Variants in CNTN5 observed in about 807,000 individuals in gnomAD.
CNTN5 encodes contactin 5.
Under a neutral mutation model 129.1 loss-of-function variants are expected in CNTN5, and 77 were observed. That is an observed-to-expected ratio of 0.60 (90% CI 0.50 to 0.72). The LOEUF (loss-of-function observed/expected upper bound fraction) is 0.72. CNTN5 is among the 30% of genes least tolerant of loss of function. CNTN5 has a pLI of 0.00. For synonymous variants in CNTN5, 509 were observed against 465.6 expected (o/e 1.09, Z -1.20); for missense variants, 1,478 against 1,328.8 (o/e 1.11, Z -1.75).
chr11:100,159,306 A>C (rs1032997418), intron 13 of CNTN5, among the ~76,000 whole-genome samples: 37 of 151,862 alleles, frequency 2.4e-4, no homozygotes, highest in African/African-American at 8.2e-4. Flanking sequence ...TCACCTTCAT[A>C]ATGATTACAT....
chr11:99,477,396 G>A (rs989976604), intron 2 of CNTN5, among the ~76,000 whole-genome samples: 6 of 151,716 alleles, frequency 4.0e-5, no homozygotes, highest in Non-Finnish European at 8.8e-5. Context: ...ACTAAACTCT[G>A]AGTCTCTTTC....
Position 100,252,429 on chromosome 11 carries a change from T to C in CNTN5, c.2006-3331T>C, listed in dbSNP as rs141667861. Among the ~76,000 whole-genome samples the C allele has an allele frequency of 1.2e-3, 185 of 152,290 alleles. 1 individual carries two copies. Among genetic ancestry groups the C allele is most frequent in the African/African-American group, 4.3e-3 (180 of 41,568 alleles). On this transcript the variant is annotated intron_variant, in intron 16 of 24. Coordinates refer to ENST00000524871, the MANE Select transcript of CNTN5 (RefSeq NM_014361.4). ...GCTTTTTAGTTTGGTATAATCCTAT[T>C]TGTTTATTTTTGCTTTTGTTGCCTG...
At chr11:100,252,697 T>C (rs1276746390) in intron 16 of CNTN5, among the ~76,000 whole-genome samples, 2 of 152,294 alleles carry the variant, frequency 1.3e-5, no homozygotes, top group East Asian at 1.9e-4. Context: ...AGGTCTGATC[T>C]GAAGGCCTCT....
intron 3 of CNTN5, among the ~76,000 whole-genome samples, chr11:99,735,717 G>A (rs1041413628): frequency 6.6e-6 from 1 of 152,148 alleles, no homozygotes; most frequent in African/African-American, 2.4e-5. Flanking sequence ...ACAACTTGAT[G>A]TATTGATATA....
chr11:99,579,882 T>G (rs892896244), intron 3 of CNTN5, among the ~76,000 whole-genome samples: 1 of 150,478 alleles, frequency 6.6e-6, no homozygotes, highest in Non-Finnish European at 1.5e-5. Flanking sequence ...ATAGGAGTGG[T>G]GAGAGAGGGC....
chr11:100,299,142 A>G lies in CNTN5; in HGVS notation c.2386-20A>G, dbSNP rs1172863300. 2 of 1,445,100 alleles carry G rather than the reference A, an allele frequency of 1.4e-6. No homozygotes were observed. The highest frequency in any genetic ancestry group is 1.9e-6 in the Non-Finnish European group (2 of 1,059,246). The allele number at this position is 1,445,100 out of a possible 1,614,324, so 89.5% of individuals were successfully genotyped here. ...TAATCAATCATTTTGCTGATAATTAATTATATTTTTCTTCTTTAGCCAGTA... is the reference window on the plus strand; with the variant it reads ...TAATCAATCATTTTGCTGATAATTAGTTATATTTTTCTTCTTTAGCCAGTA... On this transcript the variant is annotated intron_variant, in intron 19 of 24. Transcript: ENST00000524871.
At chr11:99,998,791 C>G (rs1939638433) in intron 8 of CNTN5, among the ~76,000 whole-genome samples, 1 of 150,884 alleles carries the variant, frequency 6.6e-6, no homozygotes, top group Admixed American at 6.7e-5. Flanking sequence ...TAGCCTGGTA[C>G]TGGTACCAAA....
intron 3 of CNTN5, among the ~76,000 whole-genome samples, chr11:99,815,401 AG>A (rs1395405365): frequency 6.6e-6 from 1 of 152,046 alleles, no homozygotes; most frequent in African/African-American, 2.4e-5. Flanking sequence ...GTCATAGAAA[AG>A]GGCTGGGCAG....
chr11:99,929,849 G>A (rs927418237), intron 7 of CNTN5, among the ~76,000 whole-genome samples: 2 of 152,112 alleles, frequency 1.3e-5, no homozygotes, highest in African/African-American at 2.4e-5. Flanking sequence ...CTTGGTCCTC[G>A]ATTCTTGTCC....
intron 8 of CNTN5, among the ~76,000 whole-genome samples, chr11:99,988,349 C>T (rs1423774030): frequency 6.6e-6 from 1 of 152,178 alleles, no homozygotes; most frequent in African/African-American, 2.4e-5. Flanking sequence ...AGCTGATCAA[C>T]TGTGCTGGCA....
At chr11:99,756,341 A>G (rs80237572) in intron 3 of CNTN5, among the ~76,000 whole-genome samples, 196 of 152,192 alleles carry the variant, frequency 1.3e-3, no homozygotes, top group African/African-American at 4.6e-3. Flanking sequence ...TAAGTATATG[A>G]TTGCAGTCCA....
intron 2 of CNTN5, among the ~76,000 whole-genome samples, chr11:99,372,180 G>A (rs1273684492): frequency 6.6e-6 from 1 of 152,180 alleles, no homozygotes; most frequent in Non-Finnish European, 1.5e-5. Context: ...TCCTATTGGA[G>A]AACATTTAAT....
rs73541874 is a variant in CNTN5 at position 99,162,653 on chromosome 11, A to G, written c.-210+141383A>G. ...ACTATTTTACATACAAAGAAAGAGA[A>G]GCTAAGAACATCAAAGTAGCTTGTC... On this transcript the variant is annotated intron_variant, in intron 1 of 24. Coordinates refer to ENST00000524871, the MANE Select transcript of CNTN5 (RefSeq NM_014361.4). Among the ~76,000 whole-genome samples, 691 of 152,352 alleles carry G rather than the reference A, an allele frequency of 4.5e-3. 7 individuals are homozygous for G. Among genetic ancestry groups the G allele is most frequent in the African/African-American group, 0.016 (667 of 41,580 alleles).
chr11:99,423,112 T>C (rs1428009084), intron 2 of CNTN5, among the ~76,000 whole-genome samples: 1 of 152,150 alleles, frequency 6.6e-6, no homozygotes, highest in East Asian at 1.9e-4. Flanking sequence ...CAGATACATA[T>C]CATTACATAT....
chr11:99,902,242 GTT>G (rs35494270), intron 6 of CNTN5, among the ~76,000 whole-genome samples: 2,731 of 143,722 alleles, frequency 0.019, 75 homozygotes, highest in African/African-American at 0.06. Context: ...AAGCTAAGGA[GTT>G]TTTTTTTTTT....
At chr11:99,739,977 G>C (rs966312904) in intron 3 of CNTN5, among the ~76,000 whole-genome samples, 3 of 152,018 alleles carry the variant, frequency 2.0e-5, no homozygotes, top group Non-Finnish European at 4.4e-5. Flanking sequence ...TTTGGCAAGT[G>C]CTATTTCCCC....
chr11:100,079,602 T>C (rs919146441), intron 13 of CNTN5, among the ~76,000 whole-genome samples: 1 of 152,126 alleles, frequency 6.6e-6, no homozygotes, highest in Non-Finnish European at 1.5e-5. Flanking sequence ...CAAATAGACA[T>C]GGGGAGTTAA....
intron 3 of CNTN5, among the ~76,000 whole-genome samples, chr11:99,763,060 C>T (rs550884424): frequency 1.3e-4 from 20 of 152,178 alleles, no homozygotes; most frequent in East Asian, 5.8e-4. Context: ...ATCACTGCTA[C>T]GATTTTCCAT....
intron 1 of CNTN5, among the ~76,000 whole-genome samples, chr11:99,299,680 G>T (rs987883510): frequency 6.6e-6 from 1 of 152,094 alleles, no homozygotes; most frequent in Non-Finnish European, 1.5e-5. Context: ...ATTTCACTAG[G>T]AGTGATGGTC....
Sources: allele counts gnomAD v4.1 joint callset (sites outside exome capture counted in the v4.1 genomes callset), GRCh38; gene constraint gnomAD v4.1.1; transcripts MANE v1.5; gene names NCBI Gene and HGNC (gene_info 2026-07-23, HGNC 2026-07-21).